The following HELZ variants were observed in gnomAD, a reference collection of about 807,000 sequenced individuals.
HELZ encodes the protein ATP-dependent RNA helicase with zinc finger domain.
Under a neutral mutation model 218.2 loss-of-function variants are expected in HELZ, and 23 were observed. The observed-to-expected ratio is 0.11, with a 90% CI of 0.08 to 0.15. The LOEUF (loss-of-function observed/expected upper bound fraction) is 0.15. HELZ is among the 10% of genes least tolerant of loss of function. HELZ has a pLI of 1.00. For synonymous variants in HELZ, 814 were observed against 829.4 expected (o/e 0.98, Z 0.32); for missense variants, 1,813 against 2,353.7 (o/e 0.77, Z 4.75).
chr17:67,195,467 C>T lies in HELZ; in HGVS notation c.433G>A (p.Ala145Thr). 6.3e-7 allele frequency: 1 copy of T among 1,595,024 alleles called. No individual in the cohort carries two copies. Among genetic ancestry groups the T allele is most frequent in the Non-Finnish European group, 8.6e-7 (1 of 1,163,056 alleles). Residue 145 changes from alanine (A) to threonine (T), a missense_variant, in exon 8 of 33, where the codon GCA becomes ACA. This residue lies in a region of HELZ where 714 missense variants were observed against 1,029.2 expected (regional missense o/e 0.69). Transcript: ENST00000358691. ...LKTLLSETET[A>T]TSNALSGYHV... ...TATCCAGAGAGGGCGTTACTAGTTG[C>T]TGTCTGCAATTTTCCAAATGAAAGA...
upstream of HELZ, chr17:67,245,443 G>T: frequency 1.0e-6 from 1 of 980,722 alleles, no homozygotes; most frequent in Non-Finnish European, 1.2e-6. Context: ...CGGCCTCCCT[G>T]CCCCCACGCC....
chr17:67,186,504 G>A (rs547954602), intron 12 of HELZ, among the ~76,000 whole-genome samples: 3 of 152,300 alleles, frequency 2.0e-5, no homozygotes, highest in African/African-American at 7.2e-5. Flanking sequence ...ATCTGAGGCA[G>A]AAGTAGTCAA....
At chr17:67,199,690 C>G (rs536208876) in intron 7 of HELZ, among the ~76,000 whole-genome samples, 5 of 152,236 alleles carry the variant, frequency 3.3e-5, no homozygotes, top group African/African-American at 1.2e-4. Context: ...AGTAGCAAAA[C>G]AGTTATTTTT....
intron 21 of HELZ, among the ~76,000 whole-genome samples, chr17:67,144,670 TCTGATCC>T (rs1185824411): frequency 6.6e-6 from 1 of 151,848 alleles, no homozygotes; most frequent in Admixed American, 6.6e-5. Flanking sequence ...AGGGCTCAGC[TCTGATCC>T]CTGATGTCAC....
At chr17:67,227,379 C>T (rs1053738545) in intron 3 of HELZ, among the ~76,000 whole-genome samples, 6 of 151,682 alleles carry the variant, frequency 4.0e-5, no homozygotes, top group African/African-American at 9.7e-5. Context: ...TTTCAGTAGA[C>T]GGTTTCGCCA....
chr17:67,235,671 G>A lies in HELZ; in HGVS notation c.-19+3762C>T, dbSNP rs138377199. On this transcript the variant is annotated intron_variant, in intron 3 of 32. Transcript: ENST00000358691. ...AGCAGATGCCCAATAAATACTTGCT[G>A]AACTGAATCCTGGAATAATCCATCT... Among the ~76,000 whole-genome samples, 615 of 150,930 alleles carry A rather than the reference G, an allele frequency of 4.1e-3. 2 individuals are homozygous for A. The highest frequency in any genetic ancestry group is 0.014 in the African/African-American group (584 of 41,068).
chr17:67,210,837 G>A (rs1002596894), intron 5 of HELZ, among the ~76,000 whole-genome samples: 7 of 152,042 alleles, frequency 4.6e-5, no homozygotes, highest in Non-Finnish European at 8.8e-5. Context: ...CAGGAGAATC[G>A]CTTGAACCCA....
At position 67,149,926 on chromosome 17, in the gene HELZ, T is replaced by C. The variant is rs1222309441; in HGVS notation, c.2416A>G (p.Met806Val). Residue 806 changes from methionine (M) to valine (V), a missense_variant, in exon 19 of 33, where the codon ATG becomes GTG. Physicochemically the swap from Met to Val is conservative, Grantham distance 21. This residue lies in a region of HELZ where 714 missense variants were observed against 1,029.2 expected (regional missense o/e 0.69). Coordinates refer to ENST00000358691, the MANE Select transcript of HELZ (RefSeq NM_014877.4). ...AAQAMECETI[M>V]PLALATQNTR... ...TTTTGAGTTGCTAATGCTAGAGGCA[T>C]AATGGTTTCACACTCCATGGCCTGG... The C allele has an allele frequency of 2.5e-6, 4 of 1,611,518 alleles. No individual in the cohort carries two copies. Among genetic ancestry groups the C allele is most frequent in the South Asian group, 1.1e-5 (1 of 90,746 alleles).
At chr17:67,104,881 G>A (rs759975517) in intron 31 of HELZ, among the ~76,000 whole-genome samples, 5 of 152,134 alleles carry the variant, frequency 3.3e-5, no homozygotes, top group Non-Finnish European at 5.9e-5. Context: ...CAGCACTTTG[G>A]GAGGCTGGGG....
At position 67,161,005 on chromosome 17, in the gene HELZ, G is replaced by A. The variant is rs2038979669; in HGVS notation, c.1967C>T (p.Pro656Leu). The stretch of plus-strand genomic sequence containing the variant: ...CACAGGCGGCAGCTGGATTGCAAGT[G>A]GAGTGGTAATGGCCAGAACAGCCTC... The part of the protein sequence containing the change: ...QKEAVLAITT[P>L]LAIQLPPVLI... Residue 656 changes from proline (P) to leucine (L), a missense_variant, in exon 16 of 33, where the codon CCA becomes CTA. Around this residue, in one of 4 missense-constraint regions of HELZ, gnomAD observed 714 missense variants for 1,029.2 expected, o/e 0.69. Coordinates refer to ENST00000358691, the MANE Select transcript of HELZ (RefSeq NM_014877.4). 2.5e-6 allele frequency: 4 copies of A among 1,613,616 alleles called. No homozygotes were observed. The highest frequency in any genetic ancestry group is 1.3e-5 in the African/African-American group (1 of 74,890).
chr17:67,122,463 G>A (rs764282280), intron 26 of HELZ, among the ~76,000 whole-genome samples: 4 of 151,924 alleles, frequency 2.6e-5, no homozygotes, highest in Non-Finnish European at 5.9e-5. Flanking sequence ...AGAGAATGGC[G>A]TGAACCTGGG....
At chr17:67,101,640 T>C (rs973744161) in intron 31 of HELZ, among the ~76,000 whole-genome samples, 1 of 152,214 alleles carries the variant, frequency 6.6e-6, no homozygotes, top group African/African-American at 2.4e-5. Flanking sequence ...CCAAAATTAC[T>C]AAAAACTGAA....
chr17:67,143,016 C>G (rs1401943067), intron 21 of HELZ, among the ~76,000 whole-genome samples: 1 of 152,116 alleles, frequency 6.6e-6, no homozygotes, highest in Non-Finnish European at 1.5e-5. Flanking sequence ...CGACCTCAGC[C>G]TCCTAATGTG....
At chr17:67,199,626 C>A (rs928765118) in intron 7 of HELZ, among the ~76,000 whole-genome samples, 2 of 152,120 alleles carry the variant, frequency 1.3e-5, no homozygotes, top group African/African-American at 4.8e-5. Flanking sequence ...TCGGTTGATT[C>A]ACAATCAGGC....
chr17:67,220,301 G>A (rs754238438), intron 3 of HELZ, among the ~76,000 whole-genome samples: 15 of 152,194 alleles, frequency 9.9e-5, no homozygotes, highest in Non-Finnish European at 1.9e-4. Context: ...ATCTGAAGAG[G>A]TCTAAGCCCC....
chr17:67,152,518 T>C (rs2038715778), intron 17 of HELZ, among the ~76,000 whole-genome samples: 1 of 152,164 alleles, frequency 6.6e-6, no homozygotes, highest in Non-Finnish European at 1.5e-5. Flanking sequence ...AAGGAATGAT[T>C]CCACGCCTTT....
rs762261394 is a variant in HELZ, at chr17:67,109,194, G to C, written c.4411C>G (p.Pro1471Ala). 1.2e-6 allele frequency: 2 copies of C among 1,614,016 alleles called. No homozygotes were observed. Among genetic ancestry groups the C allele is most frequent in the African/African-American group, 2.7e-5 (2 of 74,914 alleles). Residue 1471 changes from proline (P) to alanine (A), a missense_variant, in exon 29 of 33, where the codon CCC becomes GCC. By Grantham distance (27) the Pro-to-Ala change is conservative. Coordinates refer to ENST00000358691, the MANE Select transcript of HELZ (RefSeq NM_014877.4). ...AGATGTGAAGGAAGAATGGGGCCGG[G>C]TTGTGCAATGGCTCTCAGAGGACTG... Reference protein sequence around the residue: ...GHSPLRAIAQPGPILPSHLNS... With the variant: ...GHSPLRAIAQAGPILPSHLNS...
chr17:67,195,464 T>A lies in HELZ; in HGVS notation c.436A>T (p.Thr146Ser). 6.3e-7 allele frequency: 1 copy of A among 1,598,218 alleles called. No individual in the cohort carries two copies. The highest frequency in any genetic ancestry group is 8.6e-7 in the Non-Finnish European group (1 of 1,165,850). Reference protein sequence around the residue: ...KTLLSETETATSNALSGYHVE... With the variant: ...KTLLSETETASSNALSGYHVE... ...TGATATCCAGAGAGGGCGTTACTAG[T>A]TGCTGTCTGCAATTTTCCAAATGAA... Residue 146 changes from threonine to serine, a missense_variant, in exon 8 of 33, where the codon ACT becomes TCT. Around this residue, in one of 4 missense-constraint regions of HELZ, gnomAD observed 714 missense variants for 1,029.2 expected, o/e 0.69. Coordinates refer to ENST00000358691, the MANE Select transcript of HELZ (RefSeq NM_014877.4).
intron 3 of HELZ, among the ~76,000 whole-genome samples, chr17:67,230,658 G>T (rs2041014440): frequency 6.7e-6 from 1 of 149,424 alleles, no homozygotes; most frequent in African/African-American, 2.5e-5. Flanking sequence ...AAAGGTTACT[G>T]CTTGCCAAGA....
Sources: allele counts gnomAD v4.1 joint callset (sites outside exome capture counted in the v4.1 genomes callset), GRCh38; gene constraint gnomAD v4.1.1; regional missense constraint gnomAD v4.1.1; transcripts MANE v1.5; gene names NCBI Gene and HGNC (gene_info 2026-07-23, HGNC 2026-07-21).